SLC41A2: variants seen among roughly 807,000 people sequenced by gnomAD.
SLC41A2 encodes the protein SLC41A1-like 1.
In SLC41A2, 32 loss-of-function variants were observed where a neutral mutation model predicts 58.3. The observed-to-expected ratio is 0.55, with a 90% CI of 0.41 to 0.74. SLC41A2 has a LOEUF of 0.74. Among genes scored for constraint, SLC41A2 ranks in the 30% least tolerant of loss-of-function variants. The pLI, the probability that SLC41A2 is intolerant of heterozygous loss-of-function variation, is 0.00. For missense variants in SLC41A2, 514 were observed against 680.6 expected, an observed-to-expected ratio of 0.76 and a Z score of 2.72; for synonymous variants, 190 against 235.0, an observed-to-expected ratio of 0.81 and a Z score of 1.75.
intron 2 of SLC41A2, among the ~76,000 whole-genome samples, chr12:104,925,682 T>TTA (rs2046809167): frequency 6.6e-6 from 1 of 152,230 alleles, no homozygotes; most frequent in Non-Finnish European, 1.5e-5. Context: ...CTTTTTCCAA[T>TTA]TATATGCGTG....
At chr12:104,933,249 A>G (rs1009626495) in intron 1 of SLC41A2, among the ~76,000 whole-genome samples, 1 of 152,348 alleles carries the variant, frequency 6.6e-6, no homozygotes, top group Non-Finnish European at 1.5e-5. Flanking sequence ...AAAAGAAGAC[A>G]TACAAATGGC....
chr12:104,933,079 T>C (rs983922533), intron 1 of SLC41A2, among the ~76,000 whole-genome samples: 1 of 151,864 alleles, frequency 6.6e-6, no homozygotes, highest in Admixed American at 6.6e-5. Context: ...AAAAAAACAA[T>C]CATCAGAGTA....
At chr12:104,935,769 C>G (rs1209084856) in intron 1 of SLC41A2, among the ~76,000 whole-genome samples, 1 of 152,118 alleles carries the variant, frequency 6.6e-6, no homozygotes, top group African/African-American at 2.4e-5. Context: ...AGCCCAGGTG[C>G]AGAGAGCTCA....
intron 2 of SLC41A2, among the ~76,000 whole-genome samples, chr12:104,915,635 G>T (rs866903631): frequency 6.6e-5 from 10 of 152,198 alleles, no homozygotes; most frequent in African/African-American, 1.9e-4. Flanking sequence ...CTGAGACTTT[G>T]CTGAAGTTGC....
chr12:104,814,249 T>C (rs369839428), intron 10 of SLC41A2, among the ~76,000 whole-genome samples: 1 of 151,810 alleles, frequency 6.6e-6, no homozygotes, highest in African/African-American at 2.4e-5. Context: ...ACAAAAATTA[T>C]AAAAATTAGC....
At chr12:104,856,657 T>C (rs1449332980) in intron 8 of SLC41A2, among the ~76,000 whole-genome samples, 2 of 152,216 alleles carry the variant, frequency 1.3e-5, no homozygotes, top group African/African-American at 2.4e-5. Flanking sequence ...AAGGCTCCCA[T>C]TGGAATTGTA....
At chr12:104,806,398 C>T (rs1216411109) in intron 10 of SLC41A2, among the ~76,000 whole-genome samples, 2 of 152,096 alleles carry the variant, frequency 1.3e-5, no homozygotes, top group Non-Finnish European at 2.9e-5. Flanking sequence ...ATGAACTCAT[C>T]CTTTTTTATG....
At chr12:104,870,435 C>A (rs542336948) in intron 6 of SLC41A2, among the ~76,000 whole-genome samples, 80 of 152,254 alleles carry the variant, frequency 5.3e-4, no homozygotes, top group African/African-American at 1.5e-3. Context: ...AACAAAAAAA[C>A]CCAAAAAACA....
At chr12:104,861,177 T>A in intron 8 of SLC41A2, 114 bp downstream of exon 8, 1 of 632,798 alleles carries the variant, frequency 1.6e-6, no homozygotes, top group East Asian at 3.0e-5. Context: ...GGCAGAATGG[T>A]TGGGATGGGA....
intron 8 of SLC41A2, 88 bp from the exon 9 acceptor site, chr12:104,846,062 A>G: frequency 1.5e-6 from 2 of 1,325,022 alleles, no homozygotes; most frequent in Admixed American, 4.7e-5. Flanking sequence ...TTCGTGTAAC[A>G]TTCTGGGCCA....
rs2048242640 is a variant in SLC41A2, at chr12:104,958,101, C to G, written c.-181G>C. On this transcript the variant is annotated 5_prime_UTR_variant, in exon 1 of 11. Transcript: ENST00000258538. ...CTCCATGGTCACCTGTTCCGGAGCG[C>G]GGCGGCGGCAGCGGCCGGTGTGAGA... 1 of 152,574 alleles carries G rather than the reference C, an allele frequency of 6.6e-6. No individual in the cohort carries two copies. The highest frequency in any genetic ancestry group is 1.9e-4 in the East Asian group (1 of 5,202). The allele number at this position is 152,574 out of a possible 1,614,324, so 9.5% of individuals were successfully genotyped here. A position where few individuals can be genotyped will look rare whatever the true frequency, so the allele number is the denominator to read the frequency against.
intron 10 of SLC41A2, among the ~76,000 whole-genome samples, chr12:104,814,238 T>C (rs1272693171): frequency 6.6e-6 from 1 of 151,986 alleles, no homozygotes; most frequent in Admixed American, 6.6e-5. Context: ...ACCCTGTCTC[T>C]ACAAAAATTA....
intron 6 of SLC41A2, among the ~76,000 whole-genome samples, chr12:104,882,058 A>C (rs1438854222): frequency 2.0e-5 from 3 of 151,496 alleles, no homozygotes; most frequent in Non-Finnish European, 4.4e-5. Flanking sequence ...TGATCCCTTT[A>C]CCATTATGTA....
At chr12:104,946,795 A>G (rs2135965464) in intron 1 of SLC41A2, among the ~76,000 whole-genome samples, 1 of 152,302 alleles carries the variant, frequency 6.6e-6, no homozygotes, top group South Asian at 2.1e-4. Flanking sequence ...ATTAAGAGAG[A>G]TAATCTGCTT....
intron 1 of SLC41A2, among the ~76,000 whole-genome samples, chr12:104,938,145 T>C (rs2047357576): frequency 1.3e-5 from 2 of 152,108 alleles, no homozygotes; most frequent in Admixed American, 1.3e-4. Flanking sequence ...AAAGGATAAA[T>C]TGTGGCATAT....
At chr12:104,929,025 C>T (rs2135889694) in intron 1 of SLC41A2, among the ~76,000 whole-genome samples, 1 of 152,268 alleles carries the variant, frequency 6.6e-6, no homozygotes, top group East Asian at 1.9e-4. Flanking sequence ...AAAGTAATGG[C>T]TTTTATTACT....
At chr12:104,943,877 A>G (rs2047608997) in intron 1 of SLC41A2, among the ~76,000 whole-genome samples, 1 of 152,186 alleles carries the variant, frequency 6.6e-6, no homozygotes, top group Non-Finnish European at 1.5e-5. Flanking sequence ...AATTAGGCAA[A>G]AATAGTAGGC....
Position 104,803,234 on chromosome 12 carries a change from A to C in SLC41A2, c.*1918T>G, listed in dbSNP as rs2040759243. On this transcript the variant is annotated 3_prime_UTR_variant, in exon 11 of 11. Coordinates refer to ENST00000258538, the MANE Select transcript of SLC41A2 (RefSeq NM_001352171.3). ...AAATAATTTACAAATGCTTTATAATAAAATCAAAGATATTCATGGATTTTT... is the reference window on the plus strand; with the variant it reads ...AAATAATTTACAAATGCTTTATAATCAAATCAAAGATATTCATGGATTTTT... 1 of 152,098 alleles carries C rather than the reference A, an allele frequency of 6.6e-6. No homozygotes were observed. The highest frequency in any genetic ancestry group is 1.5e-5 in the Non-Finnish European group (1 of 68,006). 9.4% of individuals were successfully genotyped at this position (152,098 alleles called of 1,614,324 possible).
At chr12:104,909,843 GC>G in intron 2 of SLC41A2, 81 bp from the exon 3 acceptor site, 2 of 970,096 alleles carry the variant, frequency 2.1e-6, no homozygotes, top group Non-Finnish European at 3.0e-6. Context: ...AAAAATCTCA[GC>G]CTTTTTCCCA....
Sources: allele counts gnomAD v4.1 joint callset (sites outside exome capture counted in the v4.1 genomes callset), GRCh38; gene constraint gnomAD v4.1.1; transcripts MANE v1.5; gene names NCBI Gene and HGNC (gene_info 2026-07-23, HGNC 2026-07-21).